The following TENM2 variants were observed in gnomAD, a reference collection of about 807,000 sequenced individuals.
The protein encoded by TENM2 is teneurin transmembrane protein 2.
In TENM2, 52 loss-of-function variants were observed where a neutral mutation model predicts 245.2. The ratio of observed to expected loss-of-function variants is 0.21; its 90% CI spans 0.17 to 0.27. TENM2 has a LOEUF of 0.27. TENM2 is among the 10% of genes least tolerant of loss of function. The probability of loss-of-function intolerance (pLI) is 1.00; values close to 1 mark genes in which losing one functional copy is unlikely to be tolerated. For missense variants in TENM2, 3,046 were observed against 3,666.8 expected (o/e 0.83, Z 4.37); for synonymous variants, 1,363 against 1,438.9 (o/e 0.95, Z 1.19).
intron 2 of TENM2, among the ~76,000 whole-genome samples, chr5:167,496,498 C>T (rs576886221): frequency 5.3e-5 from 8 of 152,108 alleles, no homozygotes; most frequent in African/African-American, 1.9e-4. Context: ...GTTGTTGTTT[C>T]TTGCTTTAGT....
chr5:167,948,989 G>A lies in TENM2; in HGVS notation c.713-3599G>A, dbSNP rs142405420. 8.5e-4 allele frequency: 130 copies of A among 152,296 alleles called. 1 individual carries two copies. The highest frequency in any genetic ancestry group is 3.0e-3 in the African/African-American group (125 of 41,558). The allele number at this position is 152,296 out of a possible 1,614,324, so 9.4% of individuals were successfully genotyped here. A position where few individuals can be genotyped will look rare whatever the true frequency, so the allele number is the denominator to read the frequency against. On this transcript the variant is annotated intron_variant, in intron 3 of 28. Transcript: ENST00000518659. The stretch of plus-strand genomic sequence containing the variant: ...TTGAAACAGAAAACCTTCCCACCCA[G>A]CAAGTGTGTTGGATGACTGTAGTGA...
At chr5:167,547,064 A>G (rs1366317358) in intron 2 of TENM2, among the ~76,000 whole-genome samples, 1 of 152,158 alleles carries the variant, frequency 6.6e-6, no homozygotes, top group Non-Finnish European at 1.5e-5. Context: ...ATAGACCAGC[A>G]TCTGTCTGGA....
At chr5:167,394,639 G>A (rs546806149) in intron 2 of TENM2, among the ~76,000 whole-genome samples, 17 of 152,172 alleles carry the variant, frequency 1.1e-4, no homozygotes, top group Admixed American at 2.0e-4. Flanking sequence ...TGTCACCCAG[G>A]CTGGAGCGCA....
the TENM2 span, among the ~76,000 whole-genome samples, chr5:167,242,586 TGAG>T: frequency 6.6e-6 from 1 of 152,190 alleles, no homozygotes; most frequent in Admixed American, 6.5e-5. Flanking sequence ...GAGAAGATGA[TGAG>T]GATGAAGACC....
At chr5:167,997,565 G>T (rs1233383429) in intron 5 of TENM2, among the ~76,000 whole-genome samples, 1 of 152,226 alleles carries the variant, frequency 6.6e-6, no homozygotes, top group African/African-American at 2.4e-5. Context: ...GTGACAGCTG[G>T]TTAACTCTGC....
intron 5 of TENM2, among the ~76,000 whole-genome samples, chr5:168,029,933 G>C (rs139467144): frequency 3.3e-5 from 5 of 152,136 alleles, no homozygotes; most frequent in African/African-American, 1.2e-4. Context: ...GGAAAGCAGA[G>C]TTCTGACAGA....
chr5:166,999,882 A>T, the TENM2 span, among the ~76,000 whole-genome samples: 41 of 151,630 alleles, frequency 2.7e-4, no homozygotes, highest in Non-Finnish European at 5.4e-4. Context: ...GAGAGAAGAG[A>T]GGAAGGAATA....
At chr5:167,163,463 GT>G in the TENM2 span, among the ~76,000 whole-genome samples, 3 of 152,150 alleles carry the variant, frequency 2.0e-5, no homozygotes, top group Non-Finnish European at 4.4e-5. Flanking sequence ...AAATATGCAT[GT>G]TTTTAACAGA....
intron 2 of TENM2, among the ~76,000 whole-genome samples, chr5:167,815,164 C>T (rs140657183): frequency 5.5e-4 from 84 of 152,220 alleles, no homozygotes; most frequent in African/African-American, 1.9e-3. Context: ...TCTGACATGT[C>T]GTATTAACCC....
intron 2 of TENM2, among the ~76,000 whole-genome samples, chr5:167,527,598 C>T (rs1164328201): frequency 1.3e-5 from 2 of 152,118 alleles, no homozygotes; most frequent in African/African-American, 4.8e-5. Flanking sequence ...ATTTCTTGAC[C>T]TCAGTGTAGA....
chr5:167,687,116 C>T (rs1470698356), intron 2 of TENM2, among the ~76,000 whole-genome samples: 1 of 151,998 alleles, frequency 6.6e-6, no homozygotes, highest in Non-Finnish European at 1.5e-5. Flanking sequence ...TGTTACTGAC[C>T]TTGTGTGATG....
chr5:167,993,025 G>A (rs761402373), exon 5 of TENM2: 33 of 1,613,794 alleles, frequency 2.0e-5, no homozygotes, highest in Non-Finnish European at 1.3e-5. Flanking sequence ...CCTCAGGAAC[G>A]GTTTACACGC....
intron 2 of TENM2, among the ~76,000 whole-genome samples, chr5:167,811,374 C>T (rs948030488): frequency 6.6e-6 from 1 of 151,938 alleles, no homozygotes; most frequent in Non-Finnish European, 1.5e-5. Flanking sequence ...GTGGCATGCA[C>T]ACTCCCTCCA....
intron 3 of TENM2, among the ~76,000 whole-genome samples, chr5:167,906,846 G>A (rs1776118108): frequency 6.6e-6 from 1 of 152,218 alleles, no homozygotes; most frequent in Admixed American, 6.5e-5. Context: ...AAAAGAGGAG[G>A]GAGTGGGGAG....
chr5:167,883,266 C>T (rs1395699563), intron 3 of TENM2, among the ~76,000 whole-genome samples: 1 of 152,192 alleles, frequency 6.6e-6, no homozygotes, highest in Non-Finnish European at 1.5e-5. Context: ...ACAAATAGTC[C>T]TCAGGACTCT....
At chr5:167,477,092 C>T (rs957962289) in intron 2 of TENM2, among the ~76,000 whole-genome samples, 1 of 152,160 alleles carries the variant, frequency 6.6e-6, no homozygotes, top group African/African-American at 2.4e-5. Flanking sequence ...AACTATGATA[C>T]TTTGGTTTCC....
intron 9 of TENM2, among the ~76,000 whole-genome samples, chr5:168,102,703 A>C (rs1463547856): frequency 6.6e-6 from 1 of 152,214 alleles, no homozygotes; most frequent in East Asian, 1.9e-4. Flanking sequence ...TAACTGTACC[A>C]GGTTCAAGTG....
intron 2 of TENM2, among the ~76,000 whole-genome samples, chr5:167,784,212 A>G (rs561957899): frequency 6.6e-6 from 1 of 152,328 alleles, no homozygotes; most frequent in South Asian, 2.1e-4. Context: ...CTTTGGAAAA[A>G]TTGCTTAATC....
At chr5:167,533,216 TA>T (rs1771628956) in intron 2 of TENM2, among the ~76,000 whole-genome samples, 1 of 152,050 alleles carries the variant, frequency 6.6e-6, no homozygotes. Flanking sequence ...AAGGGTTTAG[TA>T]AGAGTTAAAG....
Sources: allele counts gnomAD v4.1 joint callset (sites outside exome capture counted in the v4.1 genomes callset), GRCh38; gene constraint gnomAD v4.1.1; transcripts MANE v1.5; gene names NCBI Gene and HGNC (gene_info 2026-07-23, HGNC 2026-07-21).